Variants in ZNF474 observed in about 807,000 individuals in gnomAD.
The protein encoded by ZNF474 is zinc finger protein 474.
For missense variants in ZNF474, 511 were observed against 433.8 expected (o/e 1.18, Z -1.58); for synonymous variants, 192 against 162.2 (o/e 1.18, Z -1.39).
Position 122,145,124 on chromosome 5 carries a change from T to TCAA in ZNF474, c.-212-6655_-212-6654insCAA, listed in dbSNP as rs1249272375. ...ACCTGACAATTAGATTGAATGAAAG[T>TCAA]GAAAGAACTTATTTCTTGACCTAAA... On this transcript the variant is annotated intron_variant, in intron 1 of 1. Coordinates refer to ENST00000296600, the MANE Select transcript of ZNF474 (RefSeq NM_207317.3). Among the ~76,000 whole-genome samples the TCAA allele has an allele frequency of 2.6e-5, 4 of 152,292 alleles. No homozygotes were observed. In the East Asian group the frequency reaches 7.7e-4, roughly 29 times the overall value.
intron 1 of ZNF474, among the ~76,000 whole-genome samples, chr5:122,142,958 C>G (rs1461055334): frequency 6.6e-6 from 1 of 152,148 alleles, no homozygotes; most frequent in African/African-American, 2.4e-5. Flanking sequence ...ATGGACTCTG[C>G]TGTTTTTGAC....
At chr5:122,140,359 A>G (rs1375566276) in intron 1 of ZNF474, among the ~76,000 whole-genome samples, 5 of 152,212 alleles carry the variant, frequency 3.3e-5, no homozygotes, top group Non-Finnish European at 7.3e-5. Context: ...TTATTATAGT[A>G]TAATATCCAC....
At chr5:122,141,118 TTA>T (rs1755829322) in intron 1 of ZNF474, among the ~76,000 whole-genome samples, 1 of 36,420 alleles carries the variant, frequency 2.7e-5, no homozygotes, top group Non-Finnish European at 9.1e-5. Flanking sequence ...TTATTTTATT[TTA>T]TTTTATTTTA....
intron 1 of ZNF474, among the ~76,000 whole-genome samples, chr5:122,150,320 A>G (rs1189455014): frequency 6.6e-6 from 1 of 152,184 alleles, no homozygotes; most frequent in Non-Finnish European, 1.5e-5. Context: ...CTGTCTTAGA[A>G]TCTGTCAAAA....
chr5:122,130,796 T>A (rs1167180836), intron 1 of ZNF474, among the ~76,000 whole-genome samples: 1 of 152,216 alleles, frequency 6.6e-6, no homozygotes, highest in Non-Finnish European at 1.5e-5. Flanking sequence ...ATTACCACAA[T>A]CAAGCTAATT....
chr5:122,131,880 A>G (rs962926442), intron 1 of ZNF474, among the ~76,000 whole-genome samples: 1 of 152,054 alleles, frequency 6.6e-6, no homozygotes, highest in African/African-American at 2.4e-5. Flanking sequence ...CTCACATATA[A>G]TAAAATGCAC....
intron 1 of ZNF474, among the ~76,000 whole-genome samples, chr5:122,143,912 T>TCTA (rs1469883045): frequency 6.6e-6 from 1 of 152,174 alleles, no homozygotes; most frequent in East Asian, 1.9e-4. Flanking sequence ...TATGGGAATG[T>TCTA]CTCCAAAAAG....
chr5:122,146,928 G>T (rs1756005186), intron 1 of ZNF474, among the ~76,000 whole-genome samples: 1 of 152,222 alleles, frequency 6.6e-6, no homozygotes, highest in African/African-American at 2.4e-5. Context: ...GTTCTTACAA[G>T]TTCCACACAA....
intron 1 of ZNF474, among the ~76,000 whole-genome samples, chr5:122,130,325 C>T (rs534276665): frequency 6.6e-6 from 1 of 152,250 alleles, no homozygotes; most frequent in African/African-American, 2.4e-5. Context: ...TGGAATGTTT[C>T]CTCACATCCT....
At chr5:122,142,137 A>G (rs1174605193) in intron 1 of ZNF474, among the ~76,000 whole-genome samples, 1 of 152,198 alleles carries the variant, frequency 6.6e-6, no homozygotes, top group Non-Finnish European at 1.5e-5. Context: ...TCTCTTTCTA[A>G]TGGCATCTTA....
chr5:122,129,782 C>G (rs1209176316), intron 1 of ZNF474, 99 bp downstream of exon 1: 1 of 152,172 alleles, frequency 6.6e-6, no homozygotes, highest in Non-Finnish European at 1.5e-5. Context: ...AACTGCTTCT[C>G]TTAGATATTC....
intron 1 of ZNF474, among the ~76,000 whole-genome samples, chr5:122,151,135 C>T (rs1190268813): frequency 6.6e-6 from 1 of 152,136 alleles, no homozygotes; most frequent in Admixed American, 6.5e-5. Flanking sequence ...ATTTCAGGTC[C>T]ATGGACACTC....
Position 122,152,639 on chromosome 5 carries a change from G to T in ZNF474, c.649G>T (p.Ala217Ser), listed in dbSNP as rs768608626. Residue 217 changes from alanine (A) to serine (S), a missense_variant, in exon 2 of 2, where the codon GCC (alanine) becomes TCC (serine). By Grantham distance (99) the Ala-to-Ser change is moderately conservative. Coordinates refer to ENST00000296600, the MANE Select transcript of ZNF474 (RefSeq NM_207317.3). The part of the protein sequence containing the change: ...GLKKACSGTP[A>S]RPRTVICYIC... ...CAAGAAAGCTTGTAGTGGAACCCCA[G>T]CCCGACCAAGGACTGTTATCTGCTA... The T allele has an allele frequency of 6.2e-7, 1 of 1,614,156 alleles. No homozygotes were observed. The highest frequency in any genetic ancestry group is 2.2e-5 in the East Asian group (1 of 44,882).
At chr5:122,141,036 T>C (rs1025416152) in intron 1 of ZNF474, among the ~76,000 whole-genome samples, 1 of 152,122 alleles carries the variant, frequency 6.6e-6, no homozygotes, top group African/African-American at 2.4e-5. Context: ...TAGGTTAGGA[T>C]TCCATATAGG....
At chr5:122,139,521 C>A (rs1229898536) in intron 1 of ZNF474, among the ~76,000 whole-genome samples, 1 of 152,036 alleles carries the variant, frequency 6.6e-6, no homozygotes, top group Non-Finnish European at 1.5e-5. Flanking sequence ...ACAGGACAAA[C>A]CCTAAATGTA....
chr5:122,148,827 C>T (rs1402000131), intron 1 of ZNF474, among the ~76,000 whole-genome samples: 1 of 151,798 alleles, frequency 6.6e-6, no homozygotes, highest in African/African-American at 2.4e-5. Context: ...AACTCTGCCT[C>T]CCGGATTCAA....
intron 1 of ZNF474, among the ~76,000 whole-genome samples, chr5:122,133,670 C>T (rs1372712728): frequency 7.2e-5 from 11 of 152,192 alleles, no homozygotes; most frequent in Non-Finnish European, 1.3e-4. Flanking sequence ...AGCGATCCTC[C>T]TACCCCAGTC....
rs79374782 is a variant in ZNF474 at position 122,153,456 on chromosome 5, A to G, written c.*371A>G. 9.1e-3 allele frequency: 1,836 copies of G among 202,186 alleles called. 39 individuals are homozygous for G. Among genetic ancestry groups the G allele is most frequent in the African/African-American group, 0.036 (1,535 of 42,798 alleles). 12.5% of individuals were successfully genotyped at this position (202,186 alleles called of 1,614,324 possible). ...TTTATTTTAGTCATCTACCTTAGGA[A>G]TTCATTTTTGGCAATGCTGGGTTAT... On this transcript the variant is annotated 3_prime_UTR_variant, in exon 2 of 2. Coordinates refer to ENST00000296600, the MANE Select transcript of ZNF474 (RefSeq NM_207317.3).
chr5:122,143,678 A>G (rs73795260), intron 1 of ZNF474, among the ~76,000 whole-genome samples: 38,458 of 152,112 alleles, frequency 0.25, 9,588 homozygotes, highest in African/African-American at 0.65. Context: ...TAATCCCCAC[A>G]AGGAAGCATA....
Sources: allele counts gnomAD v4.1 joint callset (sites outside exome capture counted in the v4.1 genomes callset), GRCh38; gene constraint gnomAD v4.1.1; transcripts MANE v1.5; gene names NCBI Gene and HGNC (gene_info 2026-07-23, HGNC 2026-07-21).